BNC2: variants seen among roughly 807,000 people sequenced by gnomAD.
BNC2 encodes the protein zinc finger protein basonuclin-2.
BNC2 carries 20 observed loss-of-function variants against 76.3 expected under a neutral mutation model. That is an observed-to-expected ratio of 0.26 (90% CI 0.18 to 0.38). The LOEUF is 0.38. Among genes scored for constraint, BNC2 ranks in the 10% least tolerant of loss-of-function variants. The pLI is 1.00. For missense variants in BNC2, 1,382 were observed against 1,399.8 expected (o/e 0.99, Z 0.20); for synonymous variants, 582 against 514.8 (o/e 1.13, Z -1.77).
chr9:16,438,335 C>A (rs574283692), intron 5 of BNC2, among the ~76,000 whole-genome samples: 72 of 152,194 alleles, frequency 4.7e-4, no homozygotes, highest in African/African-American at 1.7e-3. Flanking sequence ...TGGATTTAGA[C>A]AGAATAAATG....
chr9:16,472,305 T>C (rs934823478), intron 5 of BNC2, among the ~76,000 whole-genome samples: 22 of 152,276 alleles, frequency 1.4e-4, no homozygotes, highest in African/African-American at 4.8e-4. Context: ...AAAGGGTCAG[T>C]GTGAGACAGA....
intron 5 of BNC2, among the ~76,000 whole-genome samples, chr9:16,469,992 CTTTTTTTT>C (rs201134930): frequency 4.3e-5 from 5 of 114,992 alleles, no homozygotes; most frequent in Admixed American, 9.3e-5. Flanking sequence ...TAATGGCATT[CTTTTTTTT>C]TTTTTTTTTT....
At chr9:16,770,551 A>G (rs1183838594) in intron 1 of BNC2, among the ~76,000 whole-genome samples, 1 of 152,060 alleles carries the variant, frequency 6.6e-6, no homozygotes, top group Non-Finnish European at 1.5e-5. Flanking sequence ...ACCCACAATG[A>G]CCATGGTAAC....
intron 6 of BNC2, among the ~76,000 whole-genome samples, chr9:16,432,891 C>G (rs1248592100): frequency 6.6e-6 from 1 of 152,114 alleles, no homozygotes; most frequent in Non-Finnish European, 1.5e-5. Flanking sequence ...TCGTGACTAA[C>G]AAAGTAAAAG....
chr9:16,843,785 A>G (rs562076013), intron 1 of BNC2, among the ~76,000 whole-genome samples: 12 of 152,016 alleles, frequency 7.9e-5, no homozygotes, highest in Admixed American at 3.3e-4. Flanking sequence ...CTTTTCATCA[A>G]ACAGTTACTC....
intron 1 of BNC2, among the ~76,000 whole-genome samples, chr9:16,806,889 T>C (rs1292269349): frequency 6.6e-6 from 1 of 152,232 alleles, no homozygotes; most frequent in African/African-American, 2.4e-5. Context: ...TTGCCAGCTC[T>C]GCATGCTGAC....
At chr9:16,651,850 A>C (rs1196137502) in intron 3 of BNC2, among the ~76,000 whole-genome samples, 3 of 152,232 alleles carry the variant, frequency 2.0e-5, no homozygotes, top group African/African-American at 7.2e-5. Flanking sequence ...TCAAGTGACT[A>C]TAACATATAC....
chr9:16,854,249 A>C (rs994058632), intron 1 of BNC2, among the ~76,000 whole-genome samples: 3 of 152,266 alleles, frequency 2.0e-5, no homozygotes, highest in African/African-American at 7.2e-5. Flanking sequence ...ATGTGAAATT[A>C]AAGGTACAGC....
chr9:16,426,756 G>T (rs1033310618), intron 6 of BNC2, among the ~76,000 whole-genome samples: 2 of 151,306 alleles, frequency 1.3e-5, no homozygotes, highest in African/African-American at 4.9e-5. Flanking sequence ...AGAAACGGAT[G>T]ATTTTTGTGA....
intron 2 of BNC2, among the ~76,000 whole-genome samples, chr9:16,737,263 CT>C (rs1437659251): frequency 1.1e-5 from 1 of 87,948 alleles, no homozygotes; most frequent in East Asian, 3.5e-4. Context: ...TTTTTTTTTT[CT>C]TTTTTTGAGA....
chr9:16,600,582 C>T (rs1265922966), intron 3 of BNC2, among the ~76,000 whole-genome samples: 6 of 152,094 alleles, frequency 3.9e-5, no homozygotes, highest in South Asian at 4.1e-4. Context: ...GCTTCCTCAC[C>T]TAACCATATT....
At chr9:16,710,592 G>A (rs1423014558) in intron 3 of BNC2, among the ~76,000 whole-genome samples, 2 of 152,098 alleles carry the variant, frequency 1.3e-5, no homozygotes, top group African/African-American at 4.8e-5. Flanking sequence ...ATGCATGTAT[G>A]CTTTTCAAGG....
intron 1 of BNC2, among the ~76,000 whole-genome samples, chr9:16,853,470 T>A (rs749418511): frequency 6.6e-5 from 10 of 152,010 alleles, no homozygotes; most frequent in East Asian, 1.9e-4. Context: ...TCAACGTAAC[T>A]TTCTAATTAC....
chr9:16,416,555 A>G lies in BNC2; in HGVS notation c.*2434T>C, dbSNP rs1055759498. On this transcript the variant is annotated 3_prime_UTR_variant, in exon 7 of 7. Transcript: ENST00000380672. The stretch of plus-strand genomic sequence containing the variant: ...ATTAAGACTTTGGGGAATTCAAAGT[A>G]CAAGAAAACAAAAACGATTATTACT... 6.6e-6 allele frequency: 1 copy of G among 152,622 alleles called. No homozygotes were observed. The highest frequency in any genetic ancestry group is 6.5e-5 in the Admixed American group (1 of 15,288). 9.5% of individuals were successfully genotyped at this position (152,622 alleles called of 1,614,324 possible).
At chr9:16,775,967 C>T (rs1825955179) in intron 1 of BNC2, 1 of 152,200 alleles carries the variant, frequency 6.6e-6, no homozygotes, top group Admixed American at 6.5e-5. Context: ...AAAACCAAAA[C>T]CTACCTGACC....
At chr9:16,747,876 T>C (rs1259727225) in intron 1 of BNC2, among the ~76,000 whole-genome samples, 1 of 152,248 alleles carries the variant, frequency 6.6e-6, no homozygotes, top group Admixed American at 6.5e-5. Context: ...AATTCAACTA[T>C]CTACCATTTT....
At chr9:16,640,469 G>C (rs1821460673) in intron 3 of BNC2, among the ~76,000 whole-genome samples, 1 of 152,132 alleles carries the variant, frequency 6.6e-6, no homozygotes, top group Non-Finnish European at 1.5e-5. Context: ...TTAACTACTA[G>C]TTTTCAACTA....
At chr9:16,617,603 G>C (rs1307986894) in intron 3 of BNC2, among the ~76,000 whole-genome samples, 2 of 151,946 alleles carry the variant, frequency 1.3e-5, no homozygotes, top group African/African-American at 4.8e-5. Flanking sequence ...TTTTGTGGCA[G>C]GCACAAAGTT....
chr9:16,701,076 G>A (rs1823497564), intron 3 of BNC2, among the ~76,000 whole-genome samples: 1 of 152,176 alleles, frequency 6.6e-6, no homozygotes, highest in Non-Finnish European at 1.5e-5. Context: ...CCATTTTCTG[G>A]GGTGTGGAGG....
Sources: gnomAD v4.1 joint callset for allele counts (sites outside exome capture counted in the v4.1 genomes callset) on GRCh38, gnomAD v4.1.1 for gene constraint, MANE v1.5 for transcripts, NCBI Gene and HGNC (gene_info 2026-07-23, HGNC 2026-07-21) for gene names.